The following ADAMTS9 variants were observed in gnomAD, a reference collection of about 807,000 sequenced individuals.
ADAMTS9 encodes the protein ADAM metallopeptidase with thrombospondin type 1 motif 9.
A neutral mutation model predicts 257.1 loss-of-function variants in ADAMTS9; 107 were observed. The observed-to-expected ratio is 0.42, with a 90% CI of 0.36 to 0.49. The LOEUF (loss-of-function observed/expected upper bound fraction) is 0.49. Ranked by LOEUF, ADAMTS9 falls within the 20% of genes least tolerant of loss-of-function variation. The pLI, the probability that ADAMTS9 is intolerant of heterozygous loss-of-function variation, is 0.03. For missense variants in ADAMTS9, 2,353 were observed against 2,469.1 expected (o/e 0.95, Z 1.00); for synonymous variants, 982 against 880.9 (o/e 1.11, Z -2.03).
chr3:64,595,388 C>T (rs762657826), intron 27 of ADAMTS9, among the ~76,000 whole-genome samples: 21 of 152,192 alleles, frequency 1.4e-4, no homozygotes, highest in Non-Finnish European at 2.2e-4. Context: ...AGTGCTGCTG[C>T]GCTCAAATCC....
intron 11 of ADAMTS9, among the ~76,000 whole-genome samples, chr3:64,643,505 T>A (rs903661836): frequency 7.4e-6 from 1 of 134,528 alleles, no homozygotes; most frequent in Non-Finnish European, 1.5e-5. Context: ...CAGGCTGGAG[T>A]GCAGTGGTGC....
chr3:64,583,277 A>G (rs573415182), intron 28 of ADAMTS9: 1 of 152,314 alleles, frequency 6.6e-6, no homozygotes, highest in South Asian at 2.1e-4. Context: ...TTGCAGATTC[A>G]CAGTCTGGTG....
intron 12 of ADAMTS9, among the ~76,000 whole-genome samples, chr3:64,636,897 C>A (rs1700513881): frequency 6.6e-6 from 1 of 152,158 alleles, no homozygotes; most frequent in Non-Finnish European, 1.5e-5. Context: ...GATCCCTGGA[C>A]TATTCTTGTG....
chr3:64,639,707 C>A (rs937451539), intron 12 of ADAMTS9, among the ~76,000 whole-genome samples: 1 of 152,128 alleles, frequency 6.6e-6, no homozygotes, highest in African/African-American at 2.4e-5. Flanking sequence ...CTCAATGTAG[C>A]CACCAAATAG....
chr3:64,606,085 G>A (rs910794523), intron 23 of ADAMTS9, among the ~76,000 whole-genome samples: 1 of 152,126 alleles, frequency 6.6e-6, no homozygotes, highest in Admixed American at 6.5e-5. Context: ...GAAGATGTAT[G>A]GCCAGAACTT....
At chr3:64,642,907 G>C (rs1371636694) in intron 11 of ADAMTS9, among the ~76,000 whole-genome samples, 1 of 152,158 alleles carries the variant, frequency 6.6e-6, no homozygotes, top group Admixed American at 6.5e-5. Context: ...GCAGTATGCA[G>C]GGAAGGTGGA....
chr3:64,684,735 C>T (rs1279368198), intron 2 of ADAMTS9, among the ~76,000 whole-genome samples: 2 of 152,100 alleles, frequency 1.3e-5, no homozygotes, highest in Admixed American at 6.6e-5. Flanking sequence ...CCCAAAGAAA[C>T]CACGTGCGCA....
At chr3:64,679,000 C>T (rs1370493957) in intron 3 of ADAMTS9, among the ~76,000 whole-genome samples, 1 of 152,166 alleles carries the variant, frequency 6.6e-6, no homozygotes. Context: ...ACTAAAAGTA[C>T]TGGCATTGTG....
chr3:64,573,315 T>A (rs1411864583), intron 28 of ADAMTS9, among the ~76,000 whole-genome samples: 1 of 152,102 alleles, frequency 6.6e-6, no homozygotes, highest in African/African-American at 2.4e-5. Flanking sequence ...TCTGTATACA[T>A]GAAATATGAA....
intron 26 of ADAMTS9, among the ~76,000 whole-genome samples, chr3:64,601,699 C>G (rs2084464729): frequency 6.6e-6 from 1 of 152,106 alleles, no homozygotes; most frequent in Admixed American, 6.5e-5. Context: ...GCCATGTGAT[C>G]ATATCACCTA....
At chr3:64,629,031 G>A (rs974385812) in intron 16 of ADAMTS9, among the ~76,000 whole-genome samples, 1 of 152,104 alleles carries the variant, frequency 6.6e-6, no homozygotes, top group African/African-American at 2.4e-5. Flanking sequence ...TTAGTCTTGT[G>A]TACTTTTAAC....
At position 64,633,697 on chromosome 3, in the gene ADAMTS9, C is replaced by T. The variant is rs766524923; in HGVS notation, c.2038+1G>A. 1 of 1,613,758 alleles carries T rather than the reference C, an allele frequency of 6.2e-7. No homozygotes were observed. Among genetic ancestry groups the T allele is most frequent in the South Asian group, 1.1e-5 (1 of 91,036 alleles). On this transcript the variant is annotated splice_donor_variant, in intron 13 of 39. Coordinates refer to ENST00000498707, the MANE Select transcript of ADAMTS9 (RefSeq NM_182920.2). LOFTEE classifies it high-confidence loss of function. ...TGAACAGATACACCAGACACACTTA[C>T]TTCCACTGTATTTAGGGACCCAGCG...
At chr3:64,549,051 G>C (rs1324031185) in intron 31 of ADAMTS9, among the ~76,000 whole-genome samples, 5 of 152,162 alleles carry the variant, frequency 3.3e-5, no homozygotes, top group Admixed American at 3.3e-4. Flanking sequence ...GGTAATAGAG[G>C]TCCCAGAGAG....
In ADAMTS9 at chr3:64,687,466, G is replaced by T; in HGVS notation, c.115+77C>A. Reference sequence around the variant, plus strand: ...GAAAAGGAGAGAAGCCTCCGCTGCGGGGTGCCCCTGCCCAGGAGCGAGGAC... The same window carrying T: ...GAAAAGGAGAGAAGCCTCCGCTGCGTGGTGCCCCTGCCCAGGAGCGAGGAC... On this transcript the variant is annotated intron_variant, in intron 1 of 39. Transcript: ENST00000498707. The surrounding 1 kb of genome is among the most constrained non-coding windows in gnomAD (Gnocchi z 4.4). 3 of 1,160,842 alleles carry T rather than the reference G, an allele frequency of 2.6e-6. No homozygotes were observed. The highest frequency in any genetic ancestry group is 3.5e-6 in the Non-Finnish European group (3 of 845,742). 71.9% of individuals were successfully genotyped at this position (1,160,842 alleles called of 1,614,324 possible).
At chr3:64,558,747 A>G (rs549561387) in intron 30 of ADAMTS9, among the ~76,000 whole-genome samples, 11 of 152,142 alleles carry the variant, frequency 7.2e-5, no homozygotes, top group Non-Finnish European at 1.2e-4. Context: ...GGGAAGCAAA[A>G]GGCAAAGTGC....
At chr3:64,668,917 A>C (rs1238953010) in intron 3 of ADAMTS9, among the ~76,000 whole-genome samples, 1 of 152,156 alleles carries the variant, frequency 6.6e-6, no homozygotes, top group African/African-American at 2.4e-5. Context: ...TATCTCCCAC[A>C]TTCTTTTGAT....
chr3:64,649,739 G>A lies in ADAMTS9; in HGVS notation c.1503C>T (p.Ser501=). The change falls in exon 10 of 40, where the codon TCC becomes TCT. Residue 501 remains serine, a synonymous_variant. Transcript: ENST00000498707. ...YGECLLNEPE[S]RPYPLPVQLP... is the part of the protein sequence containing the mutation. ...GTTGGACAGGCAAAGGGTAGGGTCT[G>A]GATTCAGGTTCGTTAAGCAAACACT... The A allele has an allele frequency of 6.2e-7, 1 of 1,613,968 alleles. No homozygotes were observed. The highest frequency in any genetic ancestry group is 8.5e-7 in the Non-Finnish European group (1 of 1,179,960).
At chr3:64,658,889 A>G in intron 3 of ADAMTS9, 98 bp from the exon 4 acceptor site, 1 of 1,319,770 alleles carries the variant, frequency 7.6e-7, no homozygotes, top group Non-Finnish European at 1.0e-6. Context: ...CTCTGTGGTC[A>G]AACTACATAC....
intron 27 of ADAMTS9, 90 bp downstream of exon 27, chr3:64,596,740 G>C (rs746386680): frequency 3.0e-5 from 45 of 1,510,762 alleles, no homozygotes; most frequent in Non-Finnish European, 3.8e-5. Flanking sequence ...ACTAGAGCTA[G>C]TTCTTCTCCT....
Sources: allele counts gnomAD v4.1 joint callset (sites outside exome capture counted in the v4.1 genomes callset), GRCh38; gene constraint gnomAD v4.1.1; non-coding constraint Gnocchi (gnomAD v3.1); transcripts MANE v1.5; gene names NCBI Gene and HGNC (gene_info 2026-07-23, HGNC 2026-07-21).